The following HIVEP1 variants were observed in gnomAD, a reference collection of about 807,000 sequenced individuals.
HIVEP1 encodes the protein zinc finger protein 40.
HIVEP1 carries 36 observed loss-of-function variants against 180.0 expected under a neutral mutation model. The ratio of observed to expected loss-of-function variants is 0.20; its 90% confidence interval spans 0.15 to 0.26. The LOEUF (loss-of-function observed/expected upper bound fraction) is 0.26, where lower values mean the gene tolerates loss of function less well. Ranked by LOEUF, HIVEP1 falls within the 10% of genes least tolerant of loss-of-function variation. The pLI, the probability that HIVEP1 is intolerant of heterozygous loss-of-function variation, is 1.00. For synonymous variants in HIVEP1, 1,239 were observed against 1,239.0 expected (o/e 1.00, Z 0.00); for missense variants, 3,143 against 3,268.7 (o/e 0.96, Z 0.94).
intron 1 of HIVEP1, 56 bp from the exon 2 acceptor site, chr6:12,015,470 G>C: frequency 3.2e-6 from 2 of 619,008 alleles, no homozygotes; most frequent in South Asian, 4.1e-5. Context: ...AACTTTTAAA[G>C]TATCTTTCTC....
At chr6:12,085,454 C>T (rs945697144) in intron 2 of HIVEP1, among the ~76,000 whole-genome samples, 2 of 152,102 alleles carry the variant, frequency 1.3e-5, no homozygotes, top group African/African-American at 4.8e-5. Flanking sequence ...ACCTCGTTAA[C>T]CACACAGGGG....
chr6:12,042,047 G>A (rs1769769832), intron 2 of HIVEP1, among the ~76,000 whole-genome samples: 1 of 149,042 alleles, frequency 6.7e-6, no homozygotes, highest in Non-Finnish European at 1.5e-5. Flanking sequence ...TTTGTACATA[G>A]ATTGTATTTG....
chr6:12,134,812 CA>C (rs2113584170), intron 6 of HIVEP1, among the ~76,000 whole-genome samples: 1 of 152,330 alleles, frequency 6.6e-6, no homozygotes, highest in Non-Finnish European at 1.5e-5. Flanking sequence ...GAGGTCGATA[CA>C]ACAGCTGCCA....
Position 12,123,807 on chromosome 6 carries a change from T to G in HIVEP1, c.4012T>G (p.Phe1338Val). ...SKTEASPKID[F>V]LNKAEFLMIP... ...AACGGAGGCTTCCCCCAAAATCGAT[T>G]TTCTAAATAAAGCCGAGTTTCTTAT... The change falls in exon 4 of 9, where the codon TTT (phenylalanine) becomes GTT (valine). Residue 1338 changes from phenylalanine to valine, a missense_variant. Phe to Val is a conservative substitution (Grantham distance 50, BLOSUM62 -1). Transcript: ENST00000379388. The G allele has an allele frequency of 6.2e-7, 1 of 1,614,110 alleles. No individual in the cohort carries two copies. The highest frequency in any genetic ancestry group is 8.5e-7 in the Non-Finnish European group (1 of 1,179,998).
rs1758140137 is a variant in HIVEP1, at chr6:12,127,276, CAT to C, written c.6075+1408_6075+1409del. Among the ~76,000 whole-genome samples, 3 of 152,144 alleles carry C rather than the reference CAT, an allele frequency of 2.0e-5. No homozygotes were observed. The South Asian group carries it at 6.2e-4, about 31-fold the overall frequency. ...GTTAAAAAGAGTTATAATTTGGAAACATAGGTAAAAATCAAATCATGTGTATG... is the reference window on the plus strand; with the variant it reads ...GTTAAAAAGAGTTATAATTTGGAAACAGGTAAAAATCAAATCATGTGTATG... On this transcript the variant is annotated intron_variant, in intron 4 of 8. Transcript: ENST00000379388.
chr6:12,162,417 CA>C (rs1760466112), intron 8 of HIVEP1, among the ~76,000 whole-genome samples: 1 of 152,190 alleles, frequency 6.6e-6, no homozygotes, highest in African/African-American at 2.4e-5. Context: ...GACCCGAAAA[CA>C]CATCAAGAAG....
intron 2 of HIVEP1, among the ~76,000 whole-genome samples, chr6:12,039,774 T>G (rs569033279): frequency 1.6e-4 from 25 of 152,058 alleles, no homozygotes; most frequent in Non-Finnish European, 3.2e-4. Context: ...GATATCTGTG[T>G]TTAAAAGACA....
chr6:12,147,078 G>C (rs1759417463), intron 7 of HIVEP1, among the ~76,000 whole-genome samples: 1 of 152,128 alleles, frequency 6.6e-6, no homozygotes, highest in Non-Finnish European at 1.5e-5. Flanking sequence ...AGAGGAATAG[G>C]GTATAAGAGT....
the HIVEP1 span, among the ~76,000 whole-genome samples, chr6:12,187,583 C>A: frequency 7.0e-6 from 1 of 141,862 alleles, no homozygotes; most frequent in African/African-American, 2.7e-5. Flanking sequence ...GAATCATGAG[C>A]CAAATAAATC....
intron 3 of HIVEP1, among the ~76,000 whole-genome samples, chr6:12,099,750 T>C (rs1774000866): frequency 6.6e-6 from 1 of 151,998 alleles, no homozygotes. Context: ...CGATGATGGA[T>C]GGTAGAGGTG....
At chr6:12,119,296 C>T (rs1775418277) in intron 3 of HIVEP1, among the ~76,000 whole-genome samples, 1 of 152,236 alleles carries the variant, frequency 6.6e-6, no homozygotes, top group Non-Finnish European at 1.5e-5. Flanking sequence ...TTCGTGCTTC[C>T]TCATGGGTTG....
At chr6:12,020,413 G>C (rs1768107069) in intron 2 of HIVEP1, 1 of 471,164 alleles carries the variant, frequency 2.1e-6, no homozygotes, top group Middle Eastern at 3.2e-4. Context: ...CTTCCGCATG[G>C]TCTTGGTGAG....
intron 2 of HIVEP1, among the ~76,000 whole-genome samples, chr6:12,055,465 C>T (rs766981512): frequency 2.0e-5 from 3 of 150,746 alleles, no homozygotes; most frequent in African/African-American, 7.3e-5. Flanking sequence ...AGTGAGACTC[C>T]GTCTCAAAAA....
chr6:12,058,265 T>C (rs1771002551), intron 2 of HIVEP1, among the ~76,000 whole-genome samples: 1 of 152,214 alleles, frequency 6.6e-6, no homozygotes, highest in Non-Finnish European at 1.5e-5. Context: ...ACTGCATTTA[T>C]AAAGTGCTTA....
In HIVEP1 at chr6:12,103,184, G is replaced by GTAATAATAATAATAA. The variant is rs60181903; in HGVS notation, c.94+13965_94+13979dup. On this transcript the variant is annotated intron_variant, in intron 3 of 8. Transcript: ENST00000379388. ...TGCAACCAGCGATGGTGTTGATTAT[G>GTAATAATAATAATAA]TAATAATAATAATAATAATAATAAT... Among the ~76,000 whole-genome samples the GTAATAATAATAATAA allele has an allele frequency of 1.6e-3, 240 of 147,688 alleles. 1 individual carries two copies. Among genetic ancestry groups the GTAATAATAATAATAA allele is most frequent in the East Asian group, 7.4e-3 (37 of 5,032 alleles).
rs1464479015 is a variant in HIVEP1 at position 12,089,223 on chromosome 6, A to G, written c.80A>G (p.Glu27Gly). 1 of 1,567,846 alleles carries G rather than the reference A, an allele frequency of 6.4e-7. No individual in the cohort carries two copies. The highest frequency in any genetic ancestry group is 1.1e-5 in the South Asian group (1 of 88,426). ...GCACAAAAAGAACTTAATGGGGCAGAAGTTTCAAAAAAAGGTAAATTAAAA... is the reference window on the plus strand; with the variant it reads ...GCACAAAAAGAACTTAATGGGGCAGGAGTTTCAAAAAAAGGTAAATTAAAA... ...EEAQKELNGA[E>G]VSKKEILQAG... Residue 27 changes from glutamate (E) to glycine (G), a missense_variant, in exon 3 of 9, where the codon GAA becomes GGA. This residue lies in a region of HIVEP1 where 114 missense variants were observed against 134.5 expected (regional missense o/e 0.85). Transcript: ENST00000379388.
intron 3 of HIVEP1, among the ~76,000 whole-genome samples, chr6:12,117,304 G>A (rs1256063800): frequency 6.6e-6 from 1 of 152,178 alleles, no homozygotes; most frequent in Non-Finnish European, 1.5e-5. Context: ...CAGATAAAAT[G>A]TAAGTGTTAT....
intron 3 of HIVEP1, among the ~76,000 whole-genome samples, chr6:12,105,318 C>T (rs1252153981): frequency 6.6e-6 from 1 of 152,182 alleles, no homozygotes; most frequent in African/African-American, 2.4e-5. Flanking sequence ...TGGATTCTGT[C>T]ATTTGTACCT....
chr6:12,112,316 TTTTCTC>T (rs1307416151), intron 3 of HIVEP1, among the ~76,000 whole-genome samples: 1 of 152,126 alleles, frequency 6.6e-6, no homozygotes, highest in African/African-American at 2.4e-5. Context: ...GCTTTCAGGA[TTTTCTC>T]TTTATCTTTG....
Sources: allele counts gnomAD v4.1 joint callset (sites outside exome capture counted in the v4.1 genomes callset), GRCh38; gene constraint gnomAD v4.1.1; regional missense constraint gnomAD v4.1.1; transcripts MANE v1.5; gene names NCBI Gene and HGNC (gene_info 2026-07-23, HGNC 2026-07-21).